SHTN1: variants seen among roughly 807,000 people sequenced by gnomAD.
SHTN1 encodes the protein shootin 1, also known as shootin-1.
In SHTN1, 42 loss-of-function variants were observed where a neutral mutation model predicts 83.1. The ratio of observed to expected loss-of-function variants is 0.51; its 90% confidence interval spans 0.39 to 0.65. The LOEUF is 0.65. Among genes scored for constraint, SHTN1 ranks in the 30% least tolerant of loss-of-function variants. The probability of loss-of-function intolerance (pLI) is 0.00; values close to 1 mark genes in which losing one functional copy is unlikely to be tolerated. For missense variants in SHTN1, 622 were observed against 737.8 expected (o/e 0.84, Z 1.82); for synonymous variants, 224 against 247.7 (o/e 0.90, Z 0.90).
chr10:117,052,090 TA>T (rs947942120), intron 1 of SHTN1, among the ~76,000 whole-genome samples: 10 of 135,436 alleles, frequency 7.4e-5, no homozygotes, highest in Non-Finnish European at 9.5e-5. Flanking sequence ...AAATCTATCA[TA>T]AAAAAATAAA....
chr10:117,074,582 C>T (rs1481069656), intron 1 of SHTN1, among the ~76,000 whole-genome samples: 1 of 152,192 alleles, frequency 6.6e-6, no homozygotes, highest in Non-Finnish European at 1.5e-5. Flanking sequence ...ATTTTAGATC[C>T]TCTCTTGTAC....
chr10:117,081,712 A>C (rs368669752), intron 1 of SHTN1, among the ~76,000 whole-genome samples: 2,007 of 147,500 alleles, frequency 0.014, 21 homozygotes, highest in East Asian at 0.094. Context: ...ACAATTTCAG[A>C]TCCTGTTATT....
chr10:117,009,625 C>T (rs1454920767), upstream of SHTN1, among the ~76,000 whole-genome samples: 1 of 152,068 alleles, frequency 6.6e-6, no homozygotes, highest in Admixed American at 6.6e-5. Context: ...TATATACAAG[C>T]TGGGCACGGT....
chr10:116,970,518 A>G (rs1316348643), intron 2 of SHTN1, among the ~76,000 whole-genome samples: 1 of 152,174 alleles, frequency 6.6e-6, no homozygotes, highest in Non-Finnish European at 1.5e-5. Context: ...GATCGAGACC[A>G]TCCTTGCCAA....
At chr10:116,907,901 C>T (rs762251171) in intron 14 of SHTN1, 2 of 518,368 alleles carry the variant, frequency 3.9e-6, no homozygotes, top group South Asian at 2.8e-5. Flanking sequence ...ATCCTGCTCC[C>T]TCCCTGCCTG....
At chr10:116,911,905 A>G in intron 13 of SHTN1, 62 bp from the exon 14 acceptor site, 1 of 1,195,728 alleles carries the variant, frequency 8.4e-7, no homozygotes, top group Non-Finnish European at 1.2e-6. Flanking sequence ...CTAAACAATG[A>G]TTTTTACATG....
At chr10:117,085,918 A>ATTTTTTTTTTTTTTTTTTTTTTTTTT in intron 1 of SHTN1, among the ~76,000 whole-genome samples, 1 of 121,108 alleles carries the variant, frequency 8.3e-6, no homozygotes, top group Non-Finnish European at 1.6e-5. Flanking sequence ...GCTTTGTCTG[A>ATTTTTTTTTTTTTTTTTTTTTTTTTT]TTTTTTTTTT....
At chr10:116,987,601 C>T (rs929323025) in intron 1 of SHTN1, among the ~76,000 whole-genome samples, 4 of 152,018 alleles carry the variant, frequency 2.6e-5, no homozygotes, top group East Asian at 1.9e-4. Context: ...CTAGAAAAGG[C>T]GAAACTATGG....
At chr10:117,110,428 T>A (rs1361754077) in intron 1 of SHTN1, among the ~76,000 whole-genome samples, 4 of 152,210 alleles carry the variant, frequency 2.6e-5, no homozygotes, top group African/African-American at 4.8e-5. Flanking sequence ...CTCGGCTCAC[T>A]ACAACCTCTG....
intron 7 of SHTN1, among the ~76,000 whole-genome samples, chr10:116,948,124 GAATT>G (rs1320797221): frequency 6.6e-6 from 1 of 152,140 alleles, no homozygotes; most frequent in Non-Finnish European, 1.5e-5. Flanking sequence ...ACCACTTCCA[GAATT>G]ATTTTTGCAG....
intron 11 of SHTN1, among the ~76,000 whole-genome samples, chr10:116,924,601 AGAG>A (rs1181436282): frequency 2.6e-5 from 4 of 152,160 alleles, no homozygotes; most frequent in Non-Finnish European, 4.4e-5. Context: ...CTCACAGGCC[AGAG>A]GAGATTAGGT....
chr10:117,019,418 A>G (rs1852229137), intron 2 of SHTN1, among the ~76,000 whole-genome samples: 1 of 152,010 alleles, frequency 6.6e-6, no homozygotes, highest in South Asian at 2.1e-4. Flanking sequence ...TCCTGGGCTC[A>G]GGCAATCCTC....
chr10:116,964,332 G>A (rs966728554), intron 3 of SHTN1, among the ~76,000 whole-genome samples: 1 of 152,220 alleles, frequency 6.6e-6, no homozygotes, highest in Middle Eastern at 3.4e-3. Flanking sequence ...GAACACGGAG[G>A]CCCAGAGAAG....
At chr10:116,948,740 C>A (rs1849673411) in intron 7 of SHTN1, among the ~76,000 whole-genome samples, 176 bp downstream of exon 7, 1 of 152,018 alleles carries the variant, frequency 6.6e-6, no homozygotes, top group African/African-American at 2.4e-5. Context: ...TGTCCCCAGA[C>A]TCTAAGTTGG....
At chr10:116,911,621 A>G in intron 14 of SHTN1, 169 bp downstream of exon 14, 1 of 1,553,298 alleles carries the variant, frequency 6.4e-7, no homozygotes, top group Non-Finnish European at 8.7e-7. Flanking sequence ...AAAATTATTA[A>G]CATATGTGAT....
intron 2 of SHTN1, among the ~76,000 whole-genome samples, chr10:117,033,653 G>C (rs1045267716): frequency 1.3e-5 from 2 of 152,002 alleles, no homozygotes; most frequent in African/African-American, 4.8e-5. Flanking sequence ...AAATAGAGGA[G>C]GGAATACTTC....
At chr10:117,102,180 G>A (rs1443977463) in intron 1 of SHTN1, among the ~76,000 whole-genome samples, 1 of 152,130 alleles carries the variant, frequency 6.6e-6, no homozygotes, top group Non-Finnish European at 1.5e-5. Flanking sequence ...CCTGCTGCAT[G>A]CTCTAATCAG....
intron 1 of SHTN1, among the ~76,000 whole-genome samples, chr10:117,103,693 C>T (rs1047527940): frequency 1.3e-5 from 2 of 151,746 alleles, no homozygotes; most frequent in Admixed American, 6.6e-5. Context: ...CCCACCACCA[C>T]GCCCGGCCAA....
At chr10:116,891,457 T>C (rs1014612206) in intron 16 of SHTN1, among the ~76,000 whole-genome samples, 17 of 152,180 alleles carry the variant, frequency 1.1e-4, no homozygotes, top group African/African-American at 4.1e-4. Context: ...TCTGTTTCAT[T>C]TACAATAAAA....
Sources: allele counts gnomAD v4.1 joint callset (sites outside exome capture counted in the v4.1 genomes callset), GRCh38; gene constraint gnomAD v4.1.1; transcripts MANE v1.5; gene names NCBI Gene and HGNC (gene_info 2026-07-23, HGNC 2026-07-21).